The following ADGRG6 variants were observed in gnomAD, a reference collection of about 807,000 sequenced individuals.
ADGRG6 encodes adhesion G protein-coupled receptor G6.
ADGRG6 carries 84 observed loss-of-function variants against 142.4 expected under a neutral mutation model. The observed-to-expected ratio is 0.59, with a 90% CI of 0.49 to 0.71. The LOEUF is 0.71. Among genes scored for constraint, ADGRG6 ranks in the 30% least tolerant of loss-of-function variants. The pLI, the probability that ADGRG6 is intolerant of heterozygous loss-of-function variation, is 0.00. For synonymous variants in ADGRG6, 521 were observed against 520.5 expected (o/e 1.00, Z -0.01); for missense variants, 1,367 against 1,466.6 (o/e 0.93, Z 1.11).
chr6:142,432,840 G>C (rs1200029641), intron 22 of ADGRG6, among the ~76,000 whole-genome samples: 2 of 152,100 alleles, frequency 1.3e-5, no homozygotes, highest in Non-Finnish European at 2.9e-5. Context: ...CAAAACACCA[G>C]ACACAACCTC....
chr6:142,312,136 CTTGT>C (rs1013411928), intron 2 of ADGRG6, among the ~76,000 whole-genome samples: 3 of 151,842 alleles, frequency 2.0e-5, no homozygotes, highest in African/African-American at 7.3e-5. Flanking sequence ...TGGTTTTTGT[CTTGT>C]TTGTTAATGT....
At chr6:142,419,140 T>C (rs546823878) in intron 21 of ADGRG6, among the ~76,000 whole-genome samples, 1 of 152,154 alleles carries the variant, frequency 6.6e-6, no homozygotes, top group Admixed American at 6.6e-5. Flanking sequence ...TCACAACTAG[T>C]TGTGACTTAA....
intron 1 of ADGRG6, among the ~76,000 whole-genome samples, chr6:142,304,247 G>T (rs946726510): frequency 1.9e-4 from 29 of 152,132 alleles, no homozygotes; most frequent in African/African-American, 6.5e-4. Context: ...CTACTTAAGT[G>T]TATTTTCTGC....
chr6:142,332,648 A>G (rs887102608), intron 2 of ADGRG6, among the ~76,000 whole-genome samples: 11 of 152,194 alleles, frequency 7.2e-5, no homozygotes, highest in Admixed American at 5.9e-4. Context: ...TGGACATAAA[A>G]CATTATTACT....
intron 3 of ADGRG6, 140 bp downstream of exon 3, chr6:142,368,050 T>G: frequency 1.6e-6 from 1 of 608,470 alleles, no homozygotes; most frequent in Non-Finnish European, 2.9e-6. Flanking sequence ...AAGAATCTGT[T>G]AATATTCTCT....
At chr6:142,319,514 T>G (rs949221728) in intron 2 of ADGRG6, among the ~76,000 whole-genome samples, 3 of 152,178 alleles carry the variant, frequency 2.0e-5, no homozygotes, top group African/African-American at 7.2e-5. Flanking sequence ...TTTTTCATAT[T>G]CTTCAAATTG....
At chr6:142,331,135 T>TA (rs397975741) in intron 2 of ADGRG6, among the ~76,000 whole-genome samples, 17,482 of 141,376 alleles carry the variant, frequency 0.12, 1,108 homozygotes, top group East Asian at 0.26. Context: ...AGAAAAGAGT[T>TA]AAAAAAAAAA....
chr6:142,323,118 TA>T (rs1174271783), intron 2 of ADGRG6, among the ~76,000 whole-genome samples: 11 of 110,922 alleles, frequency 9.9e-5, no homozygotes, highest in South Asian at 2.5e-4. Context: ...AAATGTCACT[TA>T]TTTTTTTTTT....
Position 142,437,448 on chromosome 6 carries a change from A to T in ADGRG6, c.3334A>T (p.Ile1112Phe), listed in dbSNP as rs369521129. ...FNSLQGLFIF[I>F]FHCAMKENVQ... Reference sequence around the variant, plus strand: ...TTTTGTCACAGGCTTATTTATATTCATCTTCCACTGTGCTATGAAGGAGAA... The same window carrying T: ...TTTTGTCACAGGCTTATTTATATTCTTCTTCCACTGTGCTATGAAGGAGAA... The change falls in exon 23 of 25, where the codon ATC becomes TTC. Residue 1112 changes from isoleucine (I) to phenylalanine (F), a missense_variant. Around this residue, in one of 3 missense-constraint regions of ADGRG6, gnomAD observed 344 missense variants for 348.7 expected, o/e 0.99. Coordinates refer to ENST00000367609, the MANE Select transcript of ADGRG6 (RefSeq NM_198569.3). The T allele has an allele frequency of 3.3e-6, 5 of 1,520,144 alleles. No individual in the cohort carries two copies. Among genetic ancestry groups the T allele is most frequent in the Non-Finnish European group, 4.6e-6 (5 of 1,096,132 alleles). The allele number at this position is 1,520,144 out of a possible 1,614,324, so 94.2% of individuals were successfully genotyped here.
intron 22 of ADGRG6, among the ~76,000 whole-genome samples, chr6:142,423,326 T>C (rs1195706958): frequency 3.5e-4 from 52 of 149,484 alleles, no homozygotes; most frequent in African/African-American, 1.2e-3. Context: ...TTAATCCATC[T>C]TGAATTGATT....
intron 5 of ADGRG6, among the ~76,000 whole-genome samples, chr6:142,383,386 C>T (rs2114936340): frequency 6.6e-6 from 1 of 152,240 alleles, no homozygotes. Flanking sequence ...GTACAGGCTG[C>T]TTTCTATAAC....
rs573594769 is a variant in ADGRG6, at chr6:142,407,291, G to T, written c.2269-859G>T. Reference sequence around the variant, plus strand: ...ATCATAGAGGGCAAGGTACGATGGTGATGGTGTTTTTTTTTGTGTTTTACT... The same window carrying T: ...ATCATAGAGGGCAAGGTACGATGGTTATGGTGTTTTTTTTTGTGTTTTACT... On this transcript the variant is annotated intron_variant, in intron 15 of 24. Coordinates refer to ENST00000367609, the MANE Select transcript of ADGRG6 (RefSeq NM_198569.3). 2.0e-5 allele frequency among the ~76,000 whole-genome samples: 3 copies of T among 151,982 alleles called. No individual in the cohort carries two copies. In the South Asian group the frequency reaches 6.2e-4, roughly 32 times the overall value.
chr6:142,312,832 A>G (rs886612595), intron 2 of ADGRG6, among the ~76,000 whole-genome samples: 5 of 152,290 alleles, frequency 3.3e-5, no homozygotes, highest in Middle Eastern at 6.8e-3. Flanking sequence ...GCATTATTTT[A>G]CATTCCTTCT....
At chr6:142,330,323 G>T (rs1241795333) in intron 2 of ADGRG6, among the ~76,000 whole-genome samples, 1 of 151,622 alleles carries the variant, frequency 6.6e-6, no homozygotes, top group Non-Finnish European at 1.5e-5. Flanking sequence ...ACCTGCACAT[G>T]TACTCCTGAA....
chr6:142,332,132 G>A (rs1779092399), intron 2 of ADGRG6, among the ~76,000 whole-genome samples: 1 of 152,060 alleles, frequency 6.6e-6, no homozygotes, highest in Non-Finnish European at 1.5e-5. Flanking sequence ...GATGGAATGG[G>A]ATTTAAGATC....
At chr6:142,411,605 T>C (rs894882700) in intron 18 of ADGRG6, among the ~76,000 whole-genome samples, 194 bp downstream of exon 18, 1 of 152,170 alleles carries the variant, frequency 6.6e-6, no homozygotes, top group African/African-American at 2.4e-5. Flanking sequence ...AAAGTAATTA[T>C]AGAAAAGAAC....
rs1052450483 is a variant in ADGRG6, at chr6:142,438,024, G to A, written c.3422-188G>A. 2.0e-5 allele frequency: 9 copies of A among 457,986 alleles called. 1 individual carries two copies. The highest frequency in any genetic ancestry group is 1.9e-4 in the South Asian group (4 of 21,312). The allele number at this position is 457,986 out of a possible 1,614,324, so 28.4% of individuals were successfully genotyped here. On this transcript the variant is annotated intron_variant, in intron 23 of 24. Coordinates refer to ENST00000367609, the MANE Select transcript of ADGRG6 (RefSeq NM_198569.3). ...TTGAAAGTGAGATTTTAAATAGTAC[G>A]TATACAAGGTCAAAGTAAGAAATTA...
intron 1 of ADGRG6, among the ~76,000 whole-genome samples, chr6:142,307,980 A>G (rs548600719): frequency 1.3e-5 from 2 of 151,986 alleles, no homozygotes; most frequent in Non-Finnish European, 2.9e-5. Context: ...AACCAATTTC[A>G]TTTCTGGCCC....
At chr6:142,345,985 G>T (rs1779880531) in intron 2 of ADGRG6, among the ~76,000 whole-genome samples, 1 of 152,174 alleles carries the variant, frequency 6.6e-6, no homozygotes, top group Non-Finnish European at 1.5e-5. Flanking sequence ...AGGGTTGTTT[G>T]AGGTCCCTTC....
Sources: gnomAD v4.1 joint callset for allele counts (sites outside exome capture counted in the v4.1 genomes callset) on GRCh38, gnomAD v4.1.1 for gene constraint, gnomAD v4.1.1 regional missense constraint, MANE v1.5 for transcripts, NCBI Gene and HGNC (gene_info 2026-07-23, HGNC 2026-07-21) for gene names.